Variants in PINX1 observed in about 807,000 individuals in gnomAD.
PINX1 encodes PIN2/TERF1-interacting telomerase inhibitor 1.
PINX1 carries 34 observed loss-of-function variants against 25.4 expected under a neutral mutation model. The ratio of observed to expected loss-of-function variants is 1.34; its 90% CI spans 1.02 to 1.78. The LOEUF (loss-of-function observed/expected upper bound fraction) is 1.78. Among genes scored for constraint, PINX1 ranks in the 40% most tolerant of loss-of-function variants. The probability of loss-of-function intolerance (pLI) is 0.00; values close to 1 mark genes in which losing one functional copy is unlikely to be tolerated. For missense variants in PINX1, 592 were observed against 404.9 expected, an observed-to-expected ratio of 1.46 and a Z score of -3.97; for synonymous variants, 197 against 147.7, an observed-to-expected ratio of 1.33 and a Z score of -2.42.
At chr8:10,839,061 C>T (rs1411633505) in intron 1 of PINX1, among the ~76,000 whole-genome samples, 2 of 152,194 alleles carry the variant, frequency 1.3e-5, no homozygotes, top group Non-Finnish European at 2.9e-5. Context: ...TGCCATCTGG[C>T]GGCAAGCGAC....
intron 4 of PINX1, among the ~76,000 whole-genome samples, chr8:10,830,312 C>G (rs1798189438): frequency 6.6e-6 from 1 of 152,194 alleles, no homozygotes. Flanking sequence ...TTTCCCTTCA[C>G]ACTGTTGGGC....
chr8:10,807,338 C>T (rs1022050710), intron 6 of PINX1, among the ~76,000 whole-genome samples: 2 of 106,794 alleles, frequency 1.9e-5, no homozygotes, highest in East Asian at 7.0e-4. Context: ...CCCCCCCCCC[C>T]ACCAAAGTAG....
rs79724993 is a variant in PINX1 at position 10,801,956 on chromosome 8, A to G, written c.471+18237T>C. Among the ~76,000 whole-genome samples the G allele has an allele frequency of 2.6e-5, 4 of 152,282 alleles. No homozygotes were observed. The East Asian group carries it at 7.7e-4, about 29-fold the overall frequency. On this transcript the variant is annotated intron_variant, in intron 6 of 6. Transcript: ENST00000314787. ...GCACAAGCACCACTGGAATGCAGCAATCTCACAGTACTGCCCCATCCCCGC... is the reference window on the plus strand; with the variant it reads ...GCACAAGCACCACTGGAATGCAGCAGTCTCACAGTACTGCCCCATCCCCGC...
intron 6 of PINX1, among the ~76,000 whole-genome samples, chr8:10,775,092 C>A (rs978133762): frequency 1.3e-5 from 2 of 152,144 alleles, no homozygotes; most frequent in Non-Finnish European, 2.9e-5. Context: ...GACTGTAATT[C>A]CAAGGAGCTC....
At chr8:10,829,512 C>A (rs1798161518) in intron 4 of PINX1, among the ~76,000 whole-genome samples, 1 of 152,030 alleles carries the variant, frequency 6.6e-6, no homozygotes, top group African/African-American at 2.4e-5. Flanking sequence ...CTACTGCTTC[C>A]ATTTAACCAA....
At chr8:10,799,536 G>A (rs1781044691) in intron 6 of PINX1, among the ~76,000 whole-genome samples, 1 of 152,144 alleles carries the variant, frequency 6.6e-6, no homozygotes, top group African/African-American at 2.4e-5. Context: ...GCTTATGGAG[G>A]TCCAACTTCA....
chr8:10,792,747 G>C (rs1324026249), intron 6 of PINX1, among the ~76,000 whole-genome samples: 6 of 152,166 alleles, frequency 3.9e-5, no homozygotes, highest in Non-Finnish European at 5.9e-5. Context: ...AACTACTTCA[G>C]GGACACGATT....
At chr8:10,766,361 A>G (rs1181453577) in intron 6 of PINX1, among the ~76,000 whole-genome samples, 2 of 152,228 alleles carry the variant, frequency 1.3e-5, no homozygotes, top group Non-Finnish European at 2.9e-5. Context: ...TATGGGTTAC[A>G]TGGGCCCCTG....
At chr8:10,817,994 A>G (rs1224034777) in intron 6 of PINX1, among the ~76,000 whole-genome samples, 1 of 152,176 alleles carries the variant, frequency 6.6e-6, no homozygotes, top group Admixed American at 6.5e-5. Context: ...CTGACCGAAG[A>G]TTTAATTTAA....
At chr8:10,834,845 T>G (rs1029300223) in intron 1 of PINX1, 70 bp from the exon 2 acceptor site, 27 of 1,023,510 alleles carry the variant, frequency 2.6e-5, no homozygotes, top group Middle Eastern at 2.0e-4. Flanking sequence ...AACATACACA[T>G]GCACAACTTT....
At chr8:10,804,095 A>C (rs1162627757) in intron 6 of PINX1, among the ~76,000 whole-genome samples, 2 of 152,218 alleles carry the variant, frequency 1.3e-5, no homozygotes, top group Non-Finnish European at 2.9e-5. Context: ...GGCCTCTGTC[A>C]TATGGGCAGA....
chr8:10,835,134 T>TAGC (rs1165783265), intron 1 of PINX1, among the ~76,000 whole-genome samples: 7 of 152,326 alleles, frequency 4.6e-5, no homozygotes, highest in African/African-American at 1.7e-4. Context: ...TCAGCAGTAG[T>TAGC]AGCAGCAGCA....
rs568313613 is a variant in PINX1, at chr8:10,834,136, CAA to C, written c.129+528_129+529del. Among the ~76,000 whole-genome samples the C allele has an allele frequency of 2.6e-5, 4 of 152,164 alleles. No individual in the cohort carries two copies. The South Asian group carries it at 6.2e-4, about 24-fold the overall frequency. ...TTGAGCCTCAAGGAGCCCTAATAAT[CAA>C]AAGTCTATAGAAAGAAGAGACAGCA... is the stretch of plus-strand genomic sequence containing the variant. On this transcript the variant is annotated intron_variant, in intron 2 of 6. Coordinates refer to ENST00000314787, the MANE Select transcript of PINX1 (RefSeq NM_017884.6).
intron 6 of PINX1, among the ~76,000 whole-genome samples, chr8:10,778,519 G>A (rs531288367): frequency 8.1e-4 from 123 of 152,052 alleles, no homozygotes; most frequent in Non-Finnish European, 1.5e-3. Flanking sequence ...ACTTTCTAAC[G>A]GAGCACTTTT....
Position 10,765,164 on chromosome 8 carries a change from G to A in PINX1, c.*237C>T, listed in dbSNP as rs1800988821. 1 of 519,384 alleles carries A rather than the reference G, an allele frequency of 1.9e-6. No individual in the cohort carries two copies. Among genetic ancestry groups the A allele is most frequent in the Non-Finnish European group, 3.4e-6 (1 of 296,596 alleles). 32.2% of individuals were successfully genotyped at this position (519,384 alleles called of 1,614,324 possible). ...AAACTCTCTTGCTGAAGGGCTCAGA[G>A]TTTACAAAAAAATTTATTTGTGTCT... is the stretch of plus-strand genomic sequence containing the variant. On this transcript the variant is annotated 3_prime_UTR_variant, in exon 7 of 7. Transcript: ENST00000314787.
At chr8:10,794,509 A>G (rs1032727241) in intron 6 of PINX1, among the ~76,000 whole-genome samples, 1 of 151,532 alleles carries the variant, frequency 6.6e-6, no homozygotes, top group Non-Finnish European at 1.5e-5. Context: ...ATCTCAGCTC[A>G]CTGCAACACC....
At chr8:10,824,938 T>C (rs1207038291) in intron 5 of PINX1, among the ~76,000 whole-genome samples, 1 of 152,120 alleles carries the variant, frequency 6.6e-6, no homozygotes, top group Non-Finnish European at 1.5e-5. Flanking sequence ...CTGTATTCTG[T>C]TCCATAGCAC....
At chr8:10,777,963 C>T (rs1263924906) in intron 6 of PINX1, among the ~76,000 whole-genome samples, 1 of 152,200 alleles carries the variant, frequency 6.6e-6, no homozygotes, top group Non-Finnish European at 1.5e-5. Context: ...CACACTTGCT[C>T]ACACGGGATA....
At chr8:10,814,248 G>T (rs1463859647) in intron 6 of PINX1, among the ~76,000 whole-genome samples, 1 of 152,174 alleles carries the variant, frequency 6.6e-6, no homozygotes, top group Non-Finnish European at 1.5e-5. Flanking sequence ...GCAACCAGCC[G>T]TCCCCACACA....
Sources: allele counts gnomAD v4.1 joint callset (sites outside exome capture counted in the v4.1 genomes callset), GRCh38; gene constraint gnomAD v4.1.1; transcripts MANE v1.5; gene names NCBI Gene and HGNC (gene_info 2026-07-23, HGNC 2026-07-21).